LDAF1: variants seen among roughly 807,000 people sequenced by gnomAD.
LDAF1 encodes lipid droplet assembly factor 1, also known as PROMETHIN.
In LDAF1, 7 loss-of-function variants were observed where a neutral mutation model predicts 13.5. The observed-to-expected ratio is 0.52, with a 90% CI of 0.29 to 0.97. LDAF1 has a LOEUF of 0.97. Ranked by LOEUF, LDAF1 falls within the 50% of genes least tolerant of loss-of-function variation. The pLI, the probability that LDAF1 is intolerant of heterozygous loss-of-function variation, is 0.07. For synonymous variants in LDAF1, 69 were observed against 77.1 expected (o/e 0.89, Z 0.55); for missense variants, 148 against 193.2 (o/e 0.77, Z 1.39).
intron 2 of LDAF1, among the ~76,000 whole-genome samples, chr16:21,163,424 T>G (rs941931811): frequency 2.6e-5 from 4 of 152,036 alleles, no homozygotes; most frequent in African/African-American, 9.7e-5. Context: ...GGCGGGTGGA[T>G]CCCTTGAGCC....
chr16:21,169,902 C>A (rs559818803), intron 2 of LDAF1, among the ~76,000 whole-genome samples: 2 of 145,108 alleles, frequency 1.4e-5, no homozygotes, highest in South Asian at 2.2e-4. Flanking sequence ...TGGGAGAAGT[C>A]TTGTTGTAGT....
chr16:21,169,775 G>A (rs974064671), intron 2 of LDAF1, among the ~76,000 whole-genome samples: 1 of 152,124 alleles, frequency 6.6e-6, no homozygotes, highest in African/African-American at 2.4e-5. Context: ...AGTGTGTTTG[G>A]CAGGAGAGCC....
At chr16:21,159,329 A>G in intron 1 of LDAF1, 4 of 1,613,854 alleles carry the variant, frequency 2.5e-6, no homozygotes, top group Non-Finnish European at 3.4e-6. Context: ...CTCCACCTGC[A>G]TTTCACTCCC....
At chr16:21,166,708 C>A in intron 2 of LDAF1, 1 of 706,870 alleles carries the variant, frequency 1.4e-6, no homozygotes, top group Non-Finnish European at 2.4e-6. Flanking sequence ...GATCAGGTGA[C>A]ACAGGGAGCA....
At position 21,170,590 on chromosome 16, in the gene LDAF1, G is replaced by A; in HGVS notation, c.250G>A (p.Val84Ile). 1 of 1,614,076 alleles carries A rather than the reference G, an allele frequency of 6.2e-7. No homozygotes were observed. Among genetic ancestry groups the A allele is most frequent in the Middle Eastern group, 1.6e-4 (1 of 6,062 alleles). The change falls in exon 3 of 5, where the codon GTC (valine) becomes ATC (isoleucine). Residue 84 changes from valine (V) to isoleucine (I), a missense_variant. Val to Ile is a conservative substitution (Grantham distance 29). Transcript: ENST00000233047. ...TACCACCCTGGCTGCTCTGCTGGGG[G>A]TCATAATATTGGAAGGTAGCCTGTT... ...VLTTLAALLGVIILEGLVISV... is the reference protein window; with the variant it reads ...VLTTLAALLGIIILEGLVISV...
At chr16:21,177,747 A>C (rs1486823440) in intron 4 of LDAF1, among the ~76,000 whole-genome samples, 1 of 150,292 alleles carries the variant, frequency 6.7e-6, no homozygotes, top group African/African-American at 2.5e-5. Context: ...CCTCCCGAGT[A>C]GCTGGGATTA....
chr16:21,173,035 GAA>G (rs928902698), intron 3 of LDAF1, among the ~76,000 whole-genome samples: 2 of 151,856 alleles, frequency 1.3e-5, no homozygotes, highest in Non-Finnish European at 2.9e-5. Context: ...CCCACATTAT[GAA>G]AAAATGTATT....
intron 2 of LDAF1, chr16:21,169,222 A>G: frequency 1.0e-6 from 1 of 972,124 alleles, no homozygotes; most frequent in Non-Finnish European, 1.2e-6. Flanking sequence ...TTGCTTCTCA[A>G]ACTTTAATGT....
chr16:21,175,756 T>C (rs956383153), intron 4 of LDAF1, among the ~76,000 whole-genome samples: 30 of 152,214 alleles, frequency 2.0e-4, no homozygotes, highest in African/African-American at 6.3e-4. Flanking sequence ...AAGTTTATCC[T>C]GTTATTATTC....
chr16:21,170,523 G>C lies in LDAF1; in HGVS notation c.183G>C (p.Met61Ile). 6.2e-7 allele frequency: 1 copy of C among 1,614,120 alleles called. No homozygotes were observed. Among genetic ancestry groups the C allele is most frequent in the South Asian group, 1.1e-5 (1 of 91,082 alleles). ...TCACCTTGCTGGTGTTCATTGTCAT[G>C]TCGGCCGTTCCTGTTGGATTCTTCC... ...LAFTLLVFIV[M>I]SAVPVGFFLL... Residue 61 changes from methionine to isoleucine, a missense_variant, in exon 3 of 5, where the codon ATG becomes ATC. Transcript: ENST00000233047.
rs192321061 is a variant in LDAF1, at chr16:21,174,022, C to A, written c.278C>A (p.Ser93Tyr). 8.1e-6 allele frequency: 13 copies of A among 1,613,380 alleles called. No individual in the cohort carries two copies. Among genetic ancestry groups the A allele is most frequent in the African/African-American group, 1.3e-5 (1 of 74,944 alleles). Residue 93 changes from serine to tyrosine, a missense_variant, in exon 4 of 5, where the codon TCT becomes TAT. Coordinates refer to ENST00000233047, the MANE Select transcript of LDAF1 (RefSeq NM_001301771.2). ...GVIILEGLVI[S>Y]VGGFSLLCIL... ...GTTCTCCTCCTAGGATTGGTCATCT[C>A]TGTGGGTGGCTTCTCACTGCTCTGC...
intron 2 of LDAF1, among the ~76,000 whole-genome samples, chr16:21,162,898 C>G (rs552618217): frequency 2.0e-5 from 3 of 152,312 alleles, no homozygotes; most frequent in African/African-American, 7.2e-5. Flanking sequence ...ACCATCGCTC[C>G]TAGGGGAAAT....
intron 3 of LDAF1, among the ~76,000 whole-genome samples, chr16:21,170,953 T>A (rs1017413742): frequency 7.9e-5 from 12 of 152,204 alleles, no homozygotes; most frequent in African/African-American, 2.9e-4. Flanking sequence ...ATTCTTAATA[T>A]GTAAAATGCA....
chr16:21,166,520 T>C (rs1232497819), intron 2 of LDAF1, among the ~76,000 whole-genome samples: 3 of 152,236 alleles, frequency 2.0e-5, no homozygotes, highest in African/African-American at 7.2e-5. Flanking sequence ...GCAGGTGGCC[T>C]GTGATGGACA....
intron 2 of LDAF1, among the ~76,000 whole-genome samples, chr16:21,169,871 C>T (rs1275419676): frequency 1.3e-5 from 2 of 151,494 alleles, no homozygotes; most frequent in Non-Finnish European, 1.5e-5. Flanking sequence ...CCTAAGATAG[C>T]TGCCTGGGTG....
intron 2 of LDAF1, among the ~76,000 whole-genome samples, chr16:21,168,408 G>A (rs921503350): frequency 6.6e-6 from 1 of 151,804 alleles, no homozygotes; most frequent in African/African-American, 2.4e-5. Flanking sequence ...GCTTTTAATA[G>A]ACAAGTGAAT....
At chr16:21,161,507 G>A (rs111328860) in intron 2 of LDAF1, among the ~76,000 whole-genome samples, 36 of 152,306 alleles carry the variant, frequency 2.4e-4, no homozygotes, top group African/African-American at 7.2e-4. Context: ...TTTGAGGAGG[G>A]GGGAAGAGAG....
intron 1 of LDAF1, among the ~76,000 whole-genome samples, chr16:21,160,742 TCA>T (rs2092963379): frequency 6.6e-6 from 1 of 152,154 alleles, no homozygotes; most frequent in African/African-American, 2.4e-5. Flanking sequence ...CACTAAACAG[TCA>T]CACTATCATT....
At chr16:21,169,065 G>GTGATTAGCTTTTAATGCTAATCACTTT (rs2093060709) in intron 2 of LDAF1, 2 of 374,466 alleles carry the variant, frequency 5.3e-6, no homozygotes, top group South Asian at 2.2e-4. Context: ...TAATAGACAA[G>GTGATTAGCTTTTAATGCTAATCACTTT]TGATTAGCTT....
Sources: gnomAD v4.1 joint callset for allele counts (sites outside exome capture counted in the v4.1 genomes callset) on GRCh38, gnomAD v4.1.1 for gene constraint, MANE v1.5 for transcripts, NCBI Gene and HGNC (gene_info 2026-07-23, HGNC 2026-07-21) for gene names.